ATM: variants seen among roughly 807,000 people sequenced by gnomAD.
The protein encoded by ATM is ATM serine/threonine kinase, also known as serine-protein kinase ATM.
In ATM, 308 loss-of-function variants were observed where a neutral mutation model predicts 387.0. The ratio of observed to expected loss-of-function variants is 0.80; its 90% CI spans 0.73 to 0.87. The LOEUF is 0.87. Ranked by LOEUF, ATM falls within the 40% of genes least tolerant of loss-of-function variation. ATM has a pLI of 0.00. For missense variants in ATM, 3,312 were observed against 3,560.9 expected (o/e 0.93, Z 1.78); for synonymous variants, 1,156 against 1,187.3 (o/e 0.97, Z 0.54).
intron 22 of ATM, among the ~76,000 whole-genome samples, chr11:108,274,073 A>T (rs189024540): frequency 6.6e-6 from 1 of 152,210 alleles, no homozygotes; most frequent in East Asian, 1.9e-4. Context: ...CTATTCAGGG[A>T]TTCGACTTCT....
At chr11:108,279,295 A>G (rs2082100636) in intron 22 of ATM, among the ~76,000 whole-genome samples, 196 bp from the exon 23 acceptor site, 1 of 152,254 alleles carries the variant, frequency 6.6e-6, no homozygotes, top group African/African-American at 2.4e-5. Context: ...TTTTGTATTC[A>G]AGACCTTAAT....
rs12786957 is a variant in ATM, at chr11:108,281,150, A to T, written c.3558A>T (p.Glu1186Asp). The T allele has an allele frequency of 6.2e-7, 1 of 1,613,914 alleles. No individual in the cohort carries two copies. The highest frequency in any genetic ancestry group is 2.2e-5 in the East Asian group (1 of 44,822). Residue 1186 changes from glutamate (E) to aspartate (D), a missense_variant, in exon 24 of 63, where the codon GAA becomes GAT. Glu to Asp is a conservative substitution (Grantham distance 45). Around this residue, in one of 4 missense-constraint regions of ATM, gnomAD observed 1,791 missense variants for 1,804.5 expected, o/e 0.99. Transcript: ENST00000675843. ...LCKSVKENGL[E>D]PHLVKKVLEK... ...AATCTGTGAAAGAGAATGGATTAGA[A>T]CCTCACCTTGTGAAAAAGGTATATA...
chr11:108,255,776 G>A lies in ATM; in HGVS notation c.2125-439G>A, dbSNP rs934964073. 2.0e-5 allele frequency among the ~76,000 whole-genome samples: 3 copies of A among 152,312 alleles called. No homozygotes were observed. The South Asian group carries it at 6.2e-4, about 32-fold the overall frequency. Reference sequence around the variant, plus strand: ...AAAAAATGTTTTATGCTATTCTGTGGAGTCTAAAAAGCTGAATAAGTCAAG... The same window carrying A: ...AAAAAATGTTTTATGCTATTCTGTGAAGTCTAAAAAGCTGAATAAGTCAAG... On this transcript the variant is annotated intron_variant, in intron 13 of 62. Coordinates refer to ENST00000675843, the MANE Select transcript of ATM (RefSeq NM_000051.4).
chr11:108,323,287 A>AC (rs2085363692), intron 45 of ATM, among the ~76,000 whole-genome samples: 2 of 152,204 alleles, frequency 1.3e-5, no homozygotes, highest in South Asian at 4.1e-4. Flanking sequence ...GGCAGTACTT[A>AC]CTGCCAGAAA....
chr11:108,244,752 T>C, intron 6 of ATM, 36 bp from the exon 7 acceptor site: 4 of 1,503,450 alleles, frequency 2.7e-6, no homozygotes, highest in South Asian at 1.1e-5. Context: ...TTGTTCCCCC[T>C]GTTATACCCA....
intron 54 of ATM, 121 bp downstream of exon 54, chr11:108,334,089 T>A: frequency 1.3e-6 from 1 of 748,930 alleles, no homozygotes; most frequent in Non-Finnish European, 2.3e-6. Context: ...TTCATATGTT[T>A]CAACCTATAA....
At chr11:108,248,861 C>G (rs1324440556) in intron 8 of ATM, 72 bp from the exon 9 acceptor site, 8 of 1,353,446 alleles carry the variant, frequency 5.9e-6, no homozygotes, top group Non-Finnish European at 8.0e-6. Context: ...CCACTCCAAC[C>G]TGGGCAACAA....
intron 4 of ATM, among the ~76,000 whole-genome samples, chr11:108,234,629 G>C (rs1056182268): frequency 1.4e-4 from 21 of 152,122 alleles, no homozygotes; most frequent in African/African-American, 1.4e-4. Context: ...TTGAGCTCAG[G>C]AGTTCAAGAC....
At chr11:108,328,703 T>A (rs964249973) in intron 48 of ATM, among the ~76,000 whole-genome samples, 4 of 152,196 alleles carry the variant, frequency 2.6e-5, no homozygotes, top group Non-Finnish European at 4.4e-5. Context: ...TGGGCCACAT[T>A]GCAAGAAGAA....
At position 108,316,083 on chromosome 11, in the gene ATM, C is replaced by G. The variant is rs1057520449; in HGVS notation, c.6168C>G (p.Pro2056=). 6.2e-7 allele frequency: 1 copy of G among 1,614,120 alleles called. No individual in the cohort carries two copies. Among genetic ancestry groups the G allele is most frequent in the Middle Eastern group, 1.6e-4 (1 of 6,062 alleles). ...CATATGACCTCGAAACAGCAATCCC[C>G]TCATCAACACGCCAGGCAGGAATCA... The part of the protein sequence containing the change: ...LVTYDLETAI[P]SSTRQAGIIQ... The change falls in exon 42 of 63, where the codon CCC becomes CCG. Residue 2056 remains proline, a synonymous_variant. Coordinates refer to ENST00000675843, the MANE Select transcript of ATM (RefSeq NM_000051.4).
At position 108,245,125 on chromosome 11, in the gene ATM, C is replaced by A. The variant is rs1800755; in HGVS notation, c.901+99C>A. On this transcript the variant is annotated intron_variant, in intron 7 of 62. Coordinates refer to ENST00000675843, the MANE Select transcript of ATM (RefSeq NM_000051.4). Reference sequence around the variant, plus strand: ...TTCTTTAGGAGGATATGACTTTCCTCTGGATTTCTCTGGTTGATAATGTTA... The same window carrying A: ...TTCTTTAGGAGGATATGACTTTCCTATGGATTTCTCTGGTTGATAATGTTA... The A allele has an allele frequency of 7.4e-3, 6,968 of 938,180 alleles. 55 individuals carry two copies. Among genetic ancestry groups the A allele is most frequent in the Non-Finnish European group, 8.4e-3 (5,111 of 607,242 alleles). 58.1% of individuals were successfully genotyped at this position (938,180 alleles called of 1,614,324 possible).
intron 59 of ATM, among the ~76,000 whole-genome samples, chr11:108,348,597 G>A (rs1003731116): frequency 2.0e-5 from 3 of 151,784 alleles, no homozygotes; most frequent in African/African-American, 7.2e-5. Flanking sequence ...AAAGAAGTGT[G>A]AATGTAATGA....
intron 16 of ATM, among the ~76,000 whole-genome samples, chr11:108,262,309 A>G (rs1414537445): frequency 6.6e-6 from 1 of 152,238 alleles, no homozygotes; most frequent in Non-Finnish European, 1.5e-5. Flanking sequence ...ACAAGCCAGA[A>G]GAGAGTGGGG....
At chr11:108,283,296 G>A (rs955152508) in intron 25 of ATM, among the ~76,000 whole-genome samples, 5 of 152,078 alleles carry the variant, frequency 3.3e-5, no homozygotes, top group Non-Finnish European at 7.4e-5. Flanking sequence ...CTTGACTATA[G>A]GCCTCTTAGT....
At chr11:108,296,914 C>G in intron 32 of ATM, 1 of 286,756 alleles carries the variant, frequency 3.5e-6, no homozygotes, top group Non-Finnish European at 6.8e-6. Context: ...TTCTGTGGGA[C>G]AGTGCTGGTC....
At chr11:108,301,092 A>G (rs1241998855) in intron 34 of ATM, among the ~76,000 whole-genome samples, 1 of 152,044 alleles carries the variant, frequency 6.6e-6, no homozygotes, top group African/African-American at 2.4e-5. Context: ...AATGTATATC[A>G]AGGTATATCA....
At chr11:108,246,272 C>G (rs2079844900) in intron 7 of ATM, among the ~76,000 whole-genome samples, 1 of 152,088 alleles carries the variant, frequency 6.6e-6, no homozygotes, top group Non-Finnish European at 1.5e-5. Context: ...CACCTCTTAT[C>G]TCCAGGATGA....
At chr11:108,333,566 G>A (rs539787815) in intron 53 of ATM, among the ~76,000 whole-genome samples, 1 of 152,310 alleles carries the variant, frequency 6.6e-6, no homozygotes, top group African/African-American at 2.4e-5. Context: ...TAATGGTAAT[G>A]TGACAGGAGT....
intron 33 of ATM, 103 bp downstream of exon 33, chr11:108,297,485 A>T (rs2083191259): frequency 1.0e-6 from 1 of 985,380 alleles, no homozygotes; most frequent in Non-Finnish European, 1.6e-6. Flanking sequence ...TGTTGCCTGT[A>T]GTATTCAGTA....
Sources: allele counts gnomAD v4.1 joint callset (sites outside exome capture counted in the v4.1 genomes callset), GRCh38; gene constraint gnomAD v4.1.1; regional missense constraint gnomAD v4.1.1; transcripts MANE v1.5; gene names NCBI Gene and HGNC (gene_info 2026-07-23, HGNC 2026-07-21).